NAV3: variants seen among roughly 807,000 people sequenced by gnomAD.
NAV3 encodes the protein pore membrane and/or filament interacting like protein 1.
In NAV3, 87 loss-of-function variants were observed where a neutral mutation model predicts 244.7. The observed-to-expected ratio is 0.36, with a 90% CI of 0.30 to 0.42. The LOEUF is 0.42. Among genes scored for constraint, NAV3 ranks in the 20% least tolerant of loss-of-function variants. The pLI is 1.00. For missense variants in NAV3, 2,663 were observed against 2,893.3 expected (o/e 0.92, Z 1.83); for synonymous variants, 1,126 against 1,042.2 (o/e 1.08, Z -1.55).
At chr12:77,771,168 C>A (rs1870063877) in intron 2 of NAV3, among the ~76,000 whole-genome samples, 1 of 152,188 alleles carries the variant, frequency 6.6e-6, no homozygotes, top group Admixed American at 6.5e-5. Flanking sequence ...AAAAAATGCT[C>A]ATCATCACTA....
intron 2 of NAV3, among the ~76,000 whole-genome samples, chr12:77,776,681 T>C (rs1220320157): frequency 1.3e-5 from 2 of 152,170 alleles, no homozygotes; most frequent in East Asian, 3.9e-4. Flanking sequence ...TGACCAAATC[T>C]AAACAAATTA....
At chr12:77,675,040 C>G (rs1361691739) in intron 2 of NAV3, among the ~76,000 whole-genome samples, 1 of 152,124 alleles carries the variant, frequency 6.6e-6, no homozygotes, top group Non-Finnish European at 1.5e-5. Context: ...AAGGATAGAG[C>G]ATACGGTAAG....
chr12:78,007,657 G>A (rs1411662628), intron 8 of NAV3, among the ~76,000 whole-genome samples: 2 of 152,076 alleles, frequency 1.3e-5, no homozygotes, highest in East Asian at 3.9e-4. Context: ...CTCATTCCCT[G>A]TCAGCAATTG....
intron 1 of NAV3, among the ~76,000 whole-genome samples, chr12:77,927,820 G>A (rs1286405761): frequency 6.6e-6 from 1 of 152,012 alleles, no homozygotes; most frequent in Non-Finnish European, 1.5e-5. Flanking sequence ...ATTTAAGACC[G>A]GGTAGCTGGT....
rs535383805 is a variant in NAV3, at chr12:77,789,992, T to C, written c.73-150327T>C. On this transcript the variant is annotated intron_variant, in intron 2 of 8. Transcript: ENST00000550042. ...TGGTCTAGAATATATTTTCCTCATCTACCTAGTGACTACCTGGTGAGCACC... is the reference window on the plus strand; with the variant it reads ...TGGTCTAGAATATATTTTCCTCATCCACCTAGTGACTACCTGGTGAGCACC... Among the ~76,000 whole-genome samples the C allele has an allele frequency of 9.7e-4, 147 of 152,274 alleles. 2 individuals are homozygous for C. The Middle Eastern group carries it at 0.017, about 18-fold the overall frequency.
chr12:78,031,783 C>T (rs1879031334), intron 9 of NAV3, among the ~76,000 whole-genome samples: 1 of 150,218 alleles, frequency 6.7e-6, no homozygotes, highest in South Asian at 2.1e-4. Flanking sequence ...ATACCTAATG[C>T]TAGATGACGA....
At chr12:77,714,245 T>A (rs557301253) in intron 2 of NAV3, among the ~76,000 whole-genome samples, 1 of 152,214 alleles carries the variant, frequency 6.6e-6, no homozygotes, top group South Asian at 2.1e-4. Context: ...TGAAGAAATA[T>A]CCAAAATAGC....
At chr12:77,836,792 A>T (rs961274925) in intron 1 of NAV3, among the ~76,000 whole-genome samples, 2 of 152,166 alleles carry the variant, frequency 1.3e-5, no homozygotes, top group Non-Finnish European at 2.9e-5. Context: ...TGTGGATGCT[A>T]TAAGGGAGGA....
intron 2 of NAV3, among the ~76,000 whole-genome samples, chr12:77,745,365 G>C (rs1008863250): frequency 1.3e-5 from 2 of 152,060 alleles, no homozygotes; most frequent in African/African-American, 4.8e-5. Context: ...GTGACTGAAA[G>C]AGACAATGAT....
At chr12:77,676,583 A>G (rs1874218284) in intron 2 of NAV3, among the ~76,000 whole-genome samples, 1 of 140,266 alleles carries the variant, frequency 7.1e-6, no homozygotes, top group Non-Finnish European at 1.6e-5. Flanking sequence ...AAATTTTTTA[A>G]AAAATTTTAC....
At chr12:78,188,118 T>C (rs1193725833) in intron 31 of NAV3, 130 bp from the exon 32 acceptor site, 6 of 664,138 alleles carry the variant, frequency 9.0e-6, no homozygotes, top group Non-Finnish European at 1.3e-5. Flanking sequence ...TGTCTGTTAC[T>C]ATAGAAGCCA....
intron 18 of NAV3, 45 bp downstream of exon 18, chr12:78,128,911 C>A (rs768798133): frequency 3.2e-6 from 5 of 1,562,434 alleles, no homozygotes; most frequent in Non-Finnish European, 4.4e-6. Flanking sequence ...TCTTTCACCA[C>A]CCACTCTCAC....
chr12:77,930,189 A>G (rs191902601), intron 1 of NAV3, among the ~76,000 whole-genome samples: 23 of 152,248 alleles, frequency 1.5e-4, no homozygotes, highest in African/African-American at 5.3e-4. Flanking sequence ...TTGGGATGGT[A>G]TATAAGGACT....
In NAV3 at chr12:77,800,523, G is replaced by GT. The variant is rs113628893; in HGVS notation, c.73-139790dup. 2.3e-3 allele frequency among the ~76,000 whole-genome samples: 357 copies of GT among 152,184 alleles called. 4 individuals are homozygous for GT. The highest frequency in any genetic ancestry group is 8.3e-3 in the African/African-American group (345 of 41,530). On this transcript the variant is annotated intron_variant, in intron 2 of 8. Transcript: ENST00000550042. The stretch of plus-strand genomic sequence containing the variant: ...TATTTGTAACTTCATTAGAGTCTTA[G>GT]TTTTTTAATACTTACAAACGAAAGA...
chr12:77,761,970 A>T (rs1869489133), intron 2 of NAV3, among the ~76,000 whole-genome samples: 1 of 117,424 alleles, frequency 8.5e-6, no homozygotes, highest in East Asian at 2.3e-4. Flanking sequence ...ATAGAGACAC[A>T]TGCACACATA....
chr12:78,006,847 A>T lies in NAV3; in HGVS notation c.1309A>T (p.Asn437Tyr), dbSNP rs2136573601. ...NSGLNSGGST[N>Y]SSPKVSPKLA... ...TGGTCTGAATAGTGGTGGCTCAACA[A>T]ATAGCAGTCCCAAAGTGTCACCTAA... Residue 437 changes from asparagine (N) to tyrosine (Y), a missense_variant, in exon 8 of 40, where the codon AAT (asparagine) becomes TAT (tyrosine). Coordinates refer to ENST00000397909, the MANE Select transcript of NAV3 (RefSeq NM_001024383.2). The T allele has an allele frequency of 6.2e-7, 1 of 1,614,190 alleles. No homozygotes were observed. Among genetic ancestry groups the T allele is most frequent in the Non-Finnish European group, 8.5e-7 (1 of 1,180,034 alleles).
intron 2 of NAV3, among the ~76,000 whole-genome samples, chr12:77,579,460 G>A (rs1167011531): frequency 1.3e-5 from 2 of 152,228 alleles, no homozygotes; most frequent in African/African-American, 2.4e-5. Flanking sequence ...CTGGCACCTG[G>A]TGAGGGCCTC....
At chr12:77,902,871 C>A (rs1337539998) in intron 1 of NAV3, among the ~76,000 whole-genome samples, 3 of 152,250 alleles carry the variant, frequency 2.0e-5, no homozygotes, top group South Asian at 4.2e-4. Flanking sequence ...AGAGCCAAAT[C>A]ATGAGTGAAC....
At chr12:78,149,364 G>A (rs1311676321) in intron 22 of NAV3, among the ~76,000 whole-genome samples, 2 of 152,058 alleles carry the variant, frequency 1.3e-5, no homozygotes, top group African/African-American at 4.8e-5. Context: ...TCTAAATAGG[G>A]ATAGCTTAGC....
Sources: allele counts gnomAD v4.1 joint callset (sites outside exome capture counted in the v4.1 genomes callset), GRCh38; gene constraint gnomAD v4.1.1; transcripts MANE v1.5; gene names NCBI Gene and HGNC (gene_info 2026-07-23, HGNC 2026-07-21).